ITGA9: variants seen among roughly 807,000 people sequenced by gnomAD.
ITGA9 encodes the protein integrin subunit alpha 9.
Under a neutral mutation model 127.8 loss-of-function variants are expected in ITGA9, and 56 were observed. The ratio of observed to expected loss-of-function variants is 0.44; its 90% confidence interval spans 0.35 to 0.55. The LOEUF (loss-of-function observed/expected upper bound fraction) is 0.55, where lower values mean the gene tolerates loss of function less well. Ranked by LOEUF, ITGA9 falls within the 20% of genes least tolerant of loss-of-function variation. The pLI, the probability that ITGA9 is intolerant of heterozygous loss-of-function variation, is 0.00. For missense variants in ITGA9, 1,196 were observed against 1,347.1 expected, an observed-to-expected ratio of 0.89 and a Z score of 1.76; for synonymous variants, 508 against 514.5, an observed-to-expected ratio of 0.99 and a Z score of 0.17.
intron 16 of ITGA9, among the ~76,000 whole-genome samples, chr3:37,642,921 T>C (rs925384856): frequency 6.6e-6 from 1 of 152,224 alleles, no homozygotes; most frequent in African/African-American, 2.4e-5. Context: ...GGTAATAGTT[T>C]CCCGGCTGAG....
chr3:37,481,642 C>T (rs769944958), intron 4 of ITGA9, 35 bp downstream of exon 4: 1 of 1,613,824 alleles, frequency 6.2e-7, no homozygotes. Flanking sequence ...ATCCCCCTAC[C>T]CACCTCATGC....
chr3:37,524,630 T>C (rs1699075362), intron 12 of ITGA9, among the ~76,000 whole-genome samples: 1 of 152,210 alleles, frequency 6.6e-6, no homozygotes, highest in Non-Finnish European at 1.5e-5. Flanking sequence ...GCATTTAATA[T>C]GTACAAAATG....
chr3:37,525,454 A>G (rs1028561372), intron 12 of ITGA9, among the ~76,000 whole-genome samples: 4 of 152,172 alleles, frequency 2.6e-5, no homozygotes, highest in African/African-American at 9.7e-5. Context: ...CAGGGATACC[A>G]TGAGATACTC....
chr3:37,542,285 C>A, intron 14 of ITGA9, 140 bp from the exon 15 acceptor site: 1 of 877,612 alleles, frequency 1.1e-6, no homozygotes, highest in Non-Finnish European at 1.9e-6. Context: ...GAGCAAGTCT[C>A]TGCTTGGGGC....
chr3:37,559,921 A>G (rs967627961), intron 15 of ITGA9, among the ~76,000 whole-genome samples: 9 of 152,202 alleles, frequency 5.9e-5, no homozygotes, highest in African/African-American at 1.7e-4. Context: ...TGATAGAAAT[A>G]TAATGTGGTC....
chr3:37,769,512 T>C (rs1289292235), intron 23 of ITGA9, among the ~76,000 whole-genome samples: 2 of 152,192 alleles, frequency 1.3e-5, no homozygotes, highest in African/African-American at 4.8e-5. Context: ...ACCCACGCCA[T>C]GTGTAAGACT....
intron 5 of ITGA9, among the ~76,000 whole-genome samples, chr3:37,501,215 A>G (rs1698784099): frequency 6.6e-6 from 1 of 152,172 alleles, no homozygotes; most frequent in Admixed American, 6.5e-5. Flanking sequence ...AAAAGTAGGG[A>G]TTCCCTGTTG....
At chr3:37,755,918 A>G (rs1302589304) in intron 23 of ITGA9, among the ~76,000 whole-genome samples, 1 of 152,164 alleles carries the variant, frequency 6.6e-6, no homozygotes, top group Non-Finnish European at 1.5e-5. Context: ...CATCCAAACC[A>G]CTAAAGAAGA....
intron 13 of ITGA9, among the ~76,000 whole-genome samples, chr3:37,529,074 G>A (rs1019182680): frequency 6.6e-6 from 1 of 152,178 alleles, no homozygotes; most frequent in African/African-American, 2.4e-5. Context: ...TCATGTTGGT[G>A]TGTTGCTTGT....
chr3:37,733,674 A>T (rs1696325037), intron 19 of ITGA9, among the ~76,000 whole-genome samples: 1 of 152,018 alleles, frequency 6.6e-6, no homozygotes, highest in Non-Finnish European at 1.5e-5. Context: ...GAGGGAGAAG[A>T]CTTGGTCATT....
At chr3:37,481,297 C>T (rs1318833259) in intron 3 of ITGA9, among the ~76,000 whole-genome samples, 187 bp from the exon 4 acceptor site, 1 of 152,170 alleles carries the variant, frequency 6.6e-6, no homozygotes, top group East Asian at 1.9e-4. Flanking sequence ...TAGTAGGCTC[C>T]CAGTGGCTTG....
intron 18 of ITGA9, among the ~76,000 whole-genome samples, chr3:37,697,566 A>G (rs907143095): frequency 2.0e-5 from 3 of 151,054 alleles, no homozygotes; most frequent in African/African-American, 4.9e-5. Context: ...ATTCCCACCT[A>G]TGAGTGAGAA....
chr3:37,703,662 G>A (rs1364897978), intron 18 of ITGA9, among the ~76,000 whole-genome samples: 1 of 152,188 alleles, frequency 6.6e-6, no homozygotes, highest in East Asian at 1.9e-4. Flanking sequence ...GCAAAAATAA[G>A]CAGAAAGCTT....
chr3:37,564,142 G>GACCAC (rs978030888), intron 15 of ITGA9, among the ~76,000 whole-genome samples: 3 of 152,162 alleles, frequency 2.0e-5, no homozygotes, highest in African/African-American at 7.2e-5. Context: ...AAATGTACTT[G>GACCAC]ACCACGGAAC....
intron 1 of ITGA9, among the ~76,000 whole-genome samples, chr3:37,466,212 G>A (rs1471606826): frequency 6.6e-6 from 1 of 152,146 alleles, no homozygotes; most frequent in Non-Finnish European, 1.5e-5. Flanking sequence ...GCCAGGCATA[G>A]TGGCTCAGGC....
chr3:37,778,740 C>G, intron 24 of ITGA9, among the ~76,000 whole-genome samples: 1 of 127,902 alleles, frequency 7.8e-6, no homozygotes, highest in Non-Finnish European at 1.8e-5. Flanking sequence ...TCCAAAGCCT[C>G]CTTTTTTTTA....
At chr3:37,590,658 C>G (rs1324670548) in intron 15 of ITGA9, among the ~76,000 whole-genome samples, 7 of 151,508 alleles carry the variant, frequency 4.6e-5, no homozygotes, top group Non-Finnish European at 1.0e-4. Context: ...TTGTCTGGTG[C>G]TGGAAGGCTC....
intron 1 of ITGA9, among the ~76,000 whole-genome samples, chr3:37,466,237 CTT>C (rs1420814314): frequency 6.6e-6 from 1 of 152,074 alleles, no homozygotes. Context: ...AATCCCAACA[CTT>C]TGGGAGGCTG....
At chr3:37,492,444 G>C (rs1213360372) in intron 4 of ITGA9, among the ~76,000 whole-genome samples, 1 of 152,254 alleles carries the variant, frequency 6.6e-6, no homozygotes, top group Non-Finnish European at 1.5e-5. Context: ...CTGGCCTTCA[G>C]CCTGGGCCAG....
Sources: gnomAD v4.1 joint callset for allele counts (sites outside exome capture counted in the v4.1 genomes callset) on GRCh38, gnomAD v4.1.1 for gene constraint, MANE v1.5 for transcripts, NCBI Gene and HGNC (gene_info 2026-07-23, HGNC 2026-07-21) for gene names.